PEDS1: variants seen among roughly 807,000 people sequenced by gnomAD.
PEDS1 encodes CarF homolog.
In PEDS1, 14 loss-of-function variants were observed where a neutral mutation model predicts 35.2. The ratio of observed to expected loss-of-function variants is 0.40; its 90% CI spans 0.26 to 0.62. The LOEUF is 0.62. Among genes scored for constraint, PEDS1 ranks in the 20% least tolerant of loss-of-function variants. The pLI is 0.44. For missense variants in PEDS1, 260 were observed against 367.8 expected, an observed-to-expected ratio of 0.71 and a Z score of 2.40; for synonymous variants, 152 against 152.0, an observed-to-expected ratio of 1.00 and a Z score of 0.00.
At chr20:50,147,094 A>G (rs961692593) in intron 1 of PEDS1, among the ~76,000 whole-genome samples, 3 of 152,192 alleles carry the variant, frequency 2.0e-5, no homozygotes, top group Non-Finnish European at 4.4e-5. Context: ...AAGTGGGCAG[A>G]GCCAACTGCA....
intron 2 of PEDS1, among the ~76,000 whole-genome samples, chr20:50,137,557 C>T (rs2081249460): frequency 6.6e-6 from 1 of 152,144 alleles, no homozygotes; most frequent in African/African-American, 2.4e-5. Flanking sequence ...GCCTACAACA[C>T]ACCTGACTAG....
rs1381256127 is a variant in PEDS1, at chr20:50,128,583, A to C, written c.479-396T>G. 6.6e-6 allele frequency among the ~76,000 whole-genome samples: 1 copy of C among 152,152 alleles called. No homozygotes were observed. The highest frequency in any genetic ancestry group is 2.4e-5 in the African/African-American group (1 of 41,438). On this transcript the variant is annotated intron_variant, in intron 4 of 5. Coordinates refer to ENST00000371652, the MANE Select transcript of PEDS1 (RefSeq NM_199129.4). This position sits in a 1 kb window ranked among gnomAD's most constrained non-coding sequence, Gnocchi z 5.2. ...CTTCACCCAGGTTCCCTAGAAGCGG[A>C]GCCTGAAACAGGTTCTTGTGCATGT...
chr20:50,122,769 T>C lies in PEDS1; in HGVS notation c.*2289A>G, dbSNP rs1181430776. 7 of 152,166 alleles carry C rather than the reference T, an allele frequency of 4.6e-5. No homozygotes were observed. The highest frequency in any genetic ancestry group is 1.7e-4 in the African/African-American group (7 of 41,430). 9.4% of individuals were successfully genotyped at this position (152,166 alleles called of 1,614,324 possible). The stretch of plus-strand genomic sequence containing the variant: ...TACCTAGTTCATAGGAGATGCCTTA[T>C]AATTACTTATTCAACAAATAAACAA... On this transcript the variant is annotated 3_prime_UTR_variant, in exon 6 of 6. Transcript: ENST00000371652.
At chr20:50,137,891 C>A (rs1189937453) in intron 2 of PEDS1, among the ~76,000 whole-genome samples, 1 of 152,006 alleles carries the variant, frequency 6.6e-6, no homozygotes, top group African/African-American at 2.4e-5. Context: ...ACAAAAAAAA[C>A]TGGACAAGAG....
At chr20:50,137,731 C>T (rs1483071578) in intron 2 of PEDS1, among the ~76,000 whole-genome samples, 2 of 152,174 alleles carry the variant, frequency 1.3e-5, no homozygotes, top group East Asian at 1.9e-4. Context: ...ATTAGCCGGG[C>T]GTGCTGGCGC....
chr20:50,150,697 T>C (rs2081393810), intron 1 of PEDS1, among the ~76,000 whole-genome samples: 1 of 146,006 alleles, frequency 6.8e-6, no homozygotes, highest in Non-Finnish European at 1.5e-5. Flanking sequence ...GTTTTTTTCT[T>C]TTTCTTTTTT....
chr20:50,144,773 T>C (rs1462346222), intron 1 of PEDS1, among the ~76,000 whole-genome samples: 2 of 152,112 alleles, frequency 1.3e-5, no homozygotes, highest in South Asian at 2.1e-4. Flanking sequence ...TCTAGGTAAG[T>C]GCAAAAAGCA....
intron 2 of PEDS1, among the ~76,000 whole-genome samples, chr20:50,139,473 C>T (rs2081270311): frequency 6.6e-6 from 1 of 151,806 alleles, no homozygotes. Flanking sequence ...AACACATTCT[C>T]CTCTTGGCCC....
At chr20:50,131,305 C>T (rs921719991) in intron 2 of PEDS1, among the ~76,000 whole-genome samples, 3 of 152,144 alleles carry the variant, frequency 2.0e-5, no homozygotes, top group Non-Finnish European at 2.9e-5. Context: ...GCAGCAATGT[C>T]CTTCTGGGTT....
rs2081061323 is a variant in PEDS1 at position 50,122,705 on chromosome 20, C to T, written c.*2353G>A. 6.6e-6 allele frequency: 1 copy of T among 152,212 alleles called. No homozygotes were observed. The highest frequency in any genetic ancestry group is 1.5e-5 in the Non-Finnish European group (1 of 68,042). 9.4% of individuals were successfully genotyped at this position (152,212 alleles called of 1,614,324 possible). ...GCAGAAACTATCTAGCCTAGACTAG[C>T]TATTGACTATGTCTGTAGCGTTCAC... On this transcript the variant is annotated 3_prime_UTR_variant, in exon 6 of 6. Coordinates refer to ENST00000371652, the MANE Select transcript of PEDS1 (RefSeq NM_199129.4).
At chr20:50,133,165 C>A (rs1265136843) in intron 2 of PEDS1, among the ~76,000 whole-genome samples, 1 of 152,026 alleles carries the variant, frequency 6.6e-6, no homozygotes, top group Non-Finnish European at 1.5e-5. Context: ...GTTGAAGGGA[C>A]AAAAGTAAGC....
chr20:50,145,460 C>T (rs898327423), intron 1 of PEDS1, among the ~76,000 whole-genome samples: 2 of 152,026 alleles, frequency 1.3e-5, no homozygotes, highest in African/African-American at 2.4e-5. Context: ...CTTGGGAGGC[C>T]GAGGCAGGCA....
intron 3 of PEDS1, 110 bp downstream of exon 3, chr20:50,130,746 T>C (rs1458063477): frequency 2.8e-5 from 39 of 1,377,082 alleles, no homozygotes; most frequent in Non-Finnish European, 3.9e-5. Context: ...GCTGCAATGA[T>C]GGTTCCCATC....
Position 50,129,756 on chromosome 20 carries a change from C to A in PEDS1, c.334-66G>T. On this transcript the variant is annotated intron_variant, in intron 3 of 5. Coordinates refer to ENST00000371652, the MANE Select transcript of PEDS1 (RefSeq NM_199129.4). The surrounding 1 kb of genome is among the most constrained non-coding windows in gnomAD (Gnocchi z 4.2). ...GTGGTCAGCTGCTCTCCACAGCCCC[C>A]TAAACACATTCACCCTGGGCTCACC... 1 of 1,589,340 alleles carries A rather than the reference C, an allele frequency of 6.3e-7. No individual in the cohort carries two copies. Among genetic ancestry groups the A allele is most frequent in the African/African-American group, 1.3e-5 (1 of 74,650 alleles).
rs1406251368 is a variant in PEDS1 at position 50,120,518 on chromosome 20, C to G, written c.*4540G>C. ...TATACCCATATATATATGTGGGTAG[C>G]TTGAAAAATATTTTTGGTTTATCAA... is the stretch of plus-strand genomic sequence containing the variant. On this transcript the variant is annotated 3_prime_UTR_variant, in exon 6 of 6. Transcript: ENST00000371652. 1.3e-5 allele frequency: 2 copies of G among 150,696 alleles called. No homozygotes were observed. Among genetic ancestry groups the G allele is most frequent in the Non-Finnish European group, 2.9e-5 (2 of 67,828 alleles). 9.3% of individuals were successfully genotyped at this position (150,696 alleles called of 1,614,324 possible). A position where few individuals can be genotyped will look rare whatever the true frequency, so the allele number is the denominator to read the frequency against.
rs2081314421 is a variant in PEDS1, at chr20:50,143,391, T to G, written c.241+111A>C. The G allele has an allele frequency of 6.0e-6, 9 of 1,498,454 alleles. No homozygotes were observed. The Admixed American group carries it at 1.9e-4, about 31-fold the overall frequency. The allele number at this position is 1,498,454 out of a possible 1,614,324, so 92.8% of individuals were successfully genotyped here. ...GAGGTGGGGTACTCAAGGCACATAC[T>G]GGACTCAAGCACACACATCCATGCA... On this transcript the variant is annotated intron_variant, in intron 2 of 5. Transcript: ENST00000371652.
At chr20:50,139,747 T>C (rs2081274282) in intron 2 of PEDS1, among the ~76,000 whole-genome samples, 1 of 151,812 alleles carries the variant, frequency 6.6e-6, no homozygotes, top group Admixed American at 6.6e-5. Context: ...TGGGGCGATC[T>C]TGGCTCACTG....
rs2081020487 is a variant in PEDS1 at position 50,118,292 on chromosome 20, T to C, written c.*6766A>G. 6.6e-6 allele frequency: 1 copy of C among 152,228 alleles called. No homozygotes were observed. The highest frequency in any genetic ancestry group is 6.5e-5 in the Admixed American group (1 of 15,286). 9.4% of individuals were successfully genotyped at this position (152,228 alleles called of 1,614,324 possible). A position where few individuals can be genotyped will look rare whatever the true frequency, so the allele number is the denominator to read the frequency against. On this transcript the variant is annotated 3_prime_UTR_variant, in exon 6 of 6. Transcript: ENST00000371652. ...AAATATTTATTGAGCATTTGCCATATTCCAGGAACATGGTATTTTGCATAT... is the reference window on the plus strand; with the variant it reads ...AAATATTTATTGAGCATTTGCCATACTCCAGGAACATGGTATTTTGCATAT...
chr20:50,136,582 C>T (rs886250270), intron 2 of PEDS1, among the ~76,000 whole-genome samples: 3 of 151,856 alleles, frequency 2.0e-5, no homozygotes, highest in Admixed American at 6.6e-5. Context: ...AATTAGCCGA[C>T]CATGGTGGTG....
Sources: allele counts gnomAD v4.1 joint callset (sites outside exome capture counted in the v4.1 genomes callset), GRCh38; gene constraint gnomAD v4.1.1; non-coding constraint Gnocchi (gnomAD v3.1); transcripts MANE v1.5; gene names NCBI Gene and HGNC (gene_info 2026-07-23, HGNC 2026-07-21).